Variants in RBFOX1 observed in about 807,000 individuals in gnomAD.
RBFOX1 encodes the protein RNA binding fox-1 homolog 1.
RBFOX1 carries 8 observed loss-of-function variants against 57.7 expected under a neutral mutation model. The observed-to-expected ratio is 0.14, with a 90% CI of 0.08 to 0.25. The LOEUF (loss-of-function observed/expected upper bound fraction) is 0.25, where lower values mean the gene tolerates loss of function less well. Among genes scored for constraint, RBFOX1 ranks in the 10% least tolerant of loss-of-function variants. RBFOX1 has a pLI of 1.00. For missense variants in RBFOX1, 611 were observed against 548.5 expected, an observed-to-expected ratio of 1.11 and a Z score of -1.14; for synonymous variants, 326 against 222.4, an observed-to-expected ratio of 1.47 and a Z score of -4.15.
chr16:6,839,296 A>T (rs1217613455), intron 3 of RBFOX1, among the ~76,000 whole-genome samples: 12 of 151,988 alleles, frequency 7.9e-5, no homozygotes, highest in Admixed American at 1.3e-4. Context: ...ATCATTTTCA[A>T]CATAGCTGCC....
At chr16:6,784,397 A>G (rs1372815262) in intron 3 of RBFOX1, among the ~76,000 whole-genome samples, 1 of 151,968 alleles carries the variant, frequency 6.6e-6, no homozygotes, top group Non-Finnish European at 1.5e-5. Context: ...TTTGCTGTTG[A>G]GACACTCTGA....
chr16:7,368,426 T>C (rs1596598373), intron 4 of RBFOX1, among the ~76,000 whole-genome samples: 1 of 152,086 alleles, frequency 6.6e-6, no homozygotes, highest in South Asian at 2.1e-4. Flanking sequence ...ATGGAGTCTT[T>C]ATATGCTTAA....
At chr16:5,873,872 A>T (rs1035297498) in intron 4 of RBFOX1, among the ~76,000 whole-genome samples, 1 of 152,102 alleles carries the variant, frequency 6.6e-6, no homozygotes, top group Non-Finnish European at 1.5e-5. Context: ...AGGGTGGATT[A>T]GGTTAGGTTG....
At chr16:6,390,272 A>T (rs576704404) in intron 2 of RBFOX1, among the ~76,000 whole-genome samples, 9 of 152,182 alleles carry the variant, frequency 5.9e-5, no homozygotes, top group African/African-American at 1.4e-4. Context: ...CATTCTGATT[A>T]TTTTCTGGTT....
At chr16:7,531,469 C>T (rs75744976) in intron 5 of RBFOX1, among the ~76,000 whole-genome samples, 225 of 152,204 alleles carry the variant, frequency 1.5e-3, no homozygotes, top group African/African-American at 5.2e-3. Flanking sequence ...GATGAGAAAA[C>T]CAGAACATAG....
At chr16:6,853,463 G>C (rs532514819) in intron 3 of RBFOX1, among the ~76,000 whole-genome samples, 1 of 152,216 alleles carries the variant, frequency 6.6e-6, no homozygotes, top group African/African-American at 2.4e-5. Context: ...AAATCATCCT[G>C]ATGGAGGATG....
intron 3 of RBFOX1, among the ~76,000 whole-genome samples, chr16:6,893,134 A>G (rs1024056299): frequency 8.5e-5 from 13 of 152,256 alleles, no homozygotes; most frequent in Admixed American, 7.2e-4. Flanking sequence ...TGTCTGCAGA[A>G]TGAATTGCCA....
intron 4 of RBFOX1, among the ~76,000 whole-genome samples, chr16:7,475,836 ATTATAAAG>A (rs751487479): frequency 6.6e-6 from 1 of 152,234 alleles, no homozygotes; most frequent in Non-Finnish European, 1.5e-5. Flanking sequence ...TTGGTAACAG[ATTATAAAG>A]TTGTGAGGTA....
chr16:7,424,538 G>A (rs1368247228), intron 4 of RBFOX1, among the ~76,000 whole-genome samples: 1 of 152,194 alleles, frequency 6.6e-6, no homozygotes, highest in Non-Finnish European at 1.5e-5. Flanking sequence ...GGGATTACAG[G>A]TGTGAACCAC....
At chr16:6,043,120 G>GGA (rs2095456968) in intron 1 of RBFOX1, among the ~76,000 whole-genome samples, 1 of 70,254 alleles carries the variant, frequency 1.4e-5, no homozygotes, top group Non-Finnish European at 2.6e-5. Flanking sequence ...TGTGTTTCCA[G>GGA]AAAAAAAAAA....
chr16:6,761,783 G>C (rs956555637), intron 3 of RBFOX1, among the ~76,000 whole-genome samples: 1 of 151,908 alleles, frequency 6.6e-6, no homozygotes, highest in Non-Finnish European at 1.5e-5. Flanking sequence ...GGGATTACAG[G>C]CATGAGCCAC....
At chr16:6,971,431 G>A (rs1486543599) in intron 3 of RBFOX1, among the ~76,000 whole-genome samples, 3 of 151,994 alleles carry the variant, frequency 2.0e-5, no homozygotes, top group Non-Finnish European at 2.9e-5. Context: ...TGTAAGATGG[G>A]TTTGGAGGGG....
intron 3 of RBFOX1, among the ~76,000 whole-genome samples, chr16:5,624,689 G>A (rs1226464198): frequency 2.0e-5 from 3 of 152,220 alleles, no homozygotes; most frequent in Non-Finnish European, 4.4e-5. Context: ...CTCAGCTACT[G>A]CAATGCATAT....
intron 2 of RBFOX1, among the ~76,000 whole-genome samples, chr16:6,600,745 AG>A (rs1555600387): frequency 6.6e-5 from 10 of 152,220 alleles, no homozygotes; most frequent in South Asian, 2.1e-4. Flanking sequence ...CCTCACAGAC[AG>A]ACAGTATAAG....
At chr16:6,981,076 A>G (rs1412612459) in intron 3 of RBFOX1, among the ~76,000 whole-genome samples, 1 of 149,980 alleles carries the variant, frequency 6.7e-6, no homozygotes, top group East Asian at 2.0e-4. Flanking sequence ...AAAATTCAGG[A>G]GTGGTGAGAT....
At chr16:6,948,145 C>G (rs1008154619) in intron 3 of RBFOX1, among the ~76,000 whole-genome samples, 1 of 151,882 alleles carries the variant, frequency 6.6e-6, no homozygotes, top group East Asian at 1.9e-4. Context: ...AGAAACATGC[C>G]TTTCAGCCAG....
At chr16:6,987,851 G>T (rs1006793444) in intron 3 of RBFOX1, among the ~76,000 whole-genome samples, 2 of 152,164 alleles carry the variant, frequency 1.3e-5, no homozygotes, top group African/African-American at 4.8e-5. Flanking sequence ...CAGGTTTATT[G>T]GGAGGGCATC....
intron 4 of RBFOX1, among the ~76,000 whole-genome samples, chr16:7,427,235 G>T (rs571710345): frequency 6.6e-6 from 1 of 152,242 alleles, no homozygotes; most frequent in East Asian, 1.9e-4. Context: ...TGCATGTTGT[G>T]CACATGTACC....
At chr16:6,280,802 C>G (rs1426721026) in intron 1 of RBFOX1, among the ~76,000 whole-genome samples, 1 of 152,016 alleles carries the variant, frequency 6.6e-6, no homozygotes, top group Non-Finnish European at 1.5e-5. Flanking sequence ...CAGGGGCTTG[C>G]TTACCAACAG....
Sources: gnomAD v4.1 joint callset for allele counts (sites outside exome capture counted in the v4.1 genomes callset) on GRCh38, gnomAD v4.1.1 for gene constraint, MANE v1.5 for transcripts, NCBI Gene and HGNC (gene_info 2026-07-23, HGNC 2026-07-21) for gene names.